PRDM1: variants seen among roughly 807,000 people sequenced by gnomAD.
PRDM1 encodes the protein PR domain zinc finger protein 1.
PRDM1 carries 13 observed loss-of-function variants against 62.8 expected under a neutral mutation model. The observed-to-expected ratio is 0.21, with a 90% CI of 0.13 to 0.33. PRDM1 has a LOEUF of 0.33. PRDM1 is among the 10% of genes least tolerant of loss of function. The pLI is 1.00. For synonymous variants in PRDM1, 396 were observed against 417.6 expected (o/e 0.95, Z 0.63); for missense variants, 895 against 1,058.8 (o/e 0.85, Z 2.15).
chr6:106,059,627 A>G (rs966820501), intron 1 of PRDM1, among the ~76,000 whole-genome samples: 8 of 152,204 alleles, frequency 5.3e-5, no homozygotes, highest in Non-Finnish European at 1.5e-5. Context: ...GCTTTCACAG[A>G]TTTCTGAATG....
At chr6:106,054,389 C>G (rs1249209065) in intron 1 of PRDM1, among the ~76,000 whole-genome samples, 8 of 151,868 alleles carry the variant, frequency 5.3e-5, no homozygotes, top group African/African-American at 1.9e-4. Flanking sequence ...GCTACTTGTT[C>G]CTTTCTGTCT....
rs533044058 is a variant in PRDM1 at position 106,106,145 on chromosome 6, A to T, written c.1773+212A>T. Among the ~76,000 whole-genome samples, 1 of 152,364 alleles carries T rather than the reference A, an allele frequency of 6.6e-6. No homozygotes were observed. The highest frequency in any genetic ancestry group is 2.1e-4 in the South Asian group (1 of 4,832). ...CTCCTGATTTTCTTCTGAATAATAAAAAAATTAGGGGTTTGGACTAGAAGA... is the reference window on the plus strand; with the variant it reads ...CTCCTGATTTTCTTCTGAATAATAATAAAATTAGGGGTTTGGACTAGAAGA... On this transcript the variant is annotated intron_variant, in intron 5 of 6. Transcript: ENST00000369096. This position sits in a 1 kb window ranked among gnomAD's most constrained non-coding sequence, Gnocchi z 4.4.
rs1774588121 is a variant in PRDM1 at position 106,108,602 on chromosome 6, AG to A, written c.*1118del. 4.4e-6 allele frequency: 1 copy of A among 227,824 alleles called. No homozygotes were observed. The highest frequency in any genetic ancestry group is 8.6e-6 in the Non-Finnish European group (1 of 116,746). 14.1% of individuals were successfully genotyped at this position (227,824 alleles called of 1,614,324 possible). On this transcript the variant is annotated 3_prime_UTR_variant, in exon 7 of 7. Transcript: ENST00000369096. ...GGAAGGATTCGAGGTAGATAGGCTC[AG>A]GCCACACTTTAAAAACAAACACACA...
In PRDM1 at chr6:106,106,041, C is replaced by T. The variant is rs1774476759; in HGVS notation, c.1773+108C>T. On this transcript the variant is annotated intron_variant, in intron 5 of 6. Transcript: ENST00000369096. The surrounding 1 kb of genome is among the most constrained non-coding windows in gnomAD (Gnocchi z 4.4). ...TTGCATTTGCAGTAGTATGAGCCCC[C>T]GGTTGGGGATAGTGGGTATGGATTC... 12 of 1,456,892 alleles carry T rather than the reference C, an allele frequency of 8.2e-6. No homozygotes were observed. Among genetic ancestry groups the T allele is most frequent in the Admixed American group, 2.5e-5 (1 of 40,072 alleles). 90.2% of individuals were successfully genotyped at this position (1,456,892 alleles called of 1,614,324 possible). A position where few individuals can be genotyped will look rare whatever the true frequency, so the allele number is the denominator to read the frequency against.
At chr6:106,083,642 C>G (rs1191030628), upstream of PRDM1, among the ~76,000 whole-genome samples, 1 of 152,170 alleles carries the variant, frequency 6.6e-6, no homozygotes, top group Non-Finnish European at 1.5e-5. Flanking sequence ...TTTCTGAGAA[C>G]AGAACTATTT....
chr6:106,017,255 G>A (rs941848316), intron 1 of PRDM1, among the ~76,000 whole-genome samples: 1 of 152,120 alleles, frequency 6.6e-6, no homozygotes, highest in Non-Finnish European at 1.5e-5. Context: ...TGGACAACTT[G>A]TATTTGTTCA....
intron 3 of PRDM1, chr6:106,098,422 G>C (rs919717613): frequency 2.0e-6 from 2 of 985,206 alleles, no homozygotes; most frequent in African/African-American, 3.5e-5. Flanking sequence ...TATTACTCTA[G>C]GACAAACTTC....
intron 1 of PRDM1, among the ~76,000 whole-genome samples, chr6:106,014,458 A>G (rs905390870): frequency 6.6e-6 from 1 of 150,966 alleles, no homozygotes; most frequent in African/African-American, 2.4e-5. Flanking sequence ...AAAAACTTGA[A>G]TAAAAAGTAT....
chr6:106,080,591 G>A lies in PRDM1; in HGVS notation c.-66-7610G>A, dbSNP rs972537968. On this transcript the variant is annotated intron_variant, in intron 1 of 6. Transcript: ENST00000651185. ...CCCTGAATGCGAGAGCCAGGCACAA[G>A]TAGCATACAATTAGAAGGAATTAGA... Among the ~76,000 whole-genome samples the A allele has an allele frequency of 2.6e-5, 4 of 152,338 alleles. 1 individual carries two copies. Among genetic ancestry groups the A allele is most frequent in the Admixed American group, 2.6e-4 (4 of 15,308 alleles).
At position 106,056,494 on chromosome 6, in the gene PRDM1, T is replaced by G. The variant is rs142278488; in HGVS notation, c.-67+7780T>G. On this transcript the variant is annotated intron_variant, in intron 1 of 6. Transcript: ENST00000651185. Reference sequence around the variant, plus strand: ...AGTATGTATCAACTTGCTTGGACTTTAATGCCTTCAGACCCAAAAGCCTGT... The same window carrying G: ...AGTATGTATCAACTTGCTTGGACTTGAATGCCTTCAGACCCAAAAGCCTGT... 3.3e-5 allele frequency among the ~76,000 whole-genome samples: 5 copies of G among 152,310 alleles called. No homozygotes were observed. In the East Asian group the frequency reaches 7.7e-4, roughly 23 times the overall value.
At chr6:106,049,821 C>T (rs1256839922) in intron 1 of PRDM1, among the ~76,000 whole-genome samples, 5 of 152,146 alleles carry the variant, frequency 3.3e-5, no homozygotes, top group Admixed American at 2.6e-4. Flanking sequence ...TGATAAATGG[C>T]TGCCTTTACC....
intron 1 of PRDM1, among the ~76,000 whole-genome samples, chr6:106,011,476 C>T (rs1772547661): frequency 6.6e-6 from 1 of 152,168 alleles, no homozygotes; most frequent in African/African-American, 2.4e-5. Context: ...AGGCAGCCTG[C>T]CTTCCTGGGG....
At chr6:106,081,609 C>T (rs1773695567), upstream of PRDM1, among the ~76,000 whole-genome samples, 1 of 152,104 alleles carries the variant, frequency 6.6e-6, no homozygotes, top group Non-Finnish European at 1.5e-5. Flanking sequence ...GAGTTGGGGG[C>T]TGGGGGTGGT....
intron 1 of PRDM1, among the ~76,000 whole-genome samples, chr6:106,035,670 T>C (rs1240837231): frequency 6.6e-6 from 1 of 152,144 alleles, no homozygotes; most frequent in Non-Finnish European, 1.5e-5. Context: ...TGTCTAAAAT[T>C]AGTATACCTA....
intron 1 of PRDM1, among the ~76,000 whole-genome samples, chr6:106,011,673 C>T (rs1003209689): frequency 6.6e-6 from 1 of 152,054 alleles, no homozygotes; most frequent in Non-Finnish European, 1.5e-5. Context: ...GAGTTGGAGT[C>T]CGAAGTCCCA....
intron 1 of PRDM1, 128 bp from the exon 2 acceptor site, chr6:106,088,073 T>G: frequency 8.6e-7 from 1 of 1,157,738 alleles, no homozygotes; most frequent in East Asian, 2.9e-5. Context: ...TGGCTCTTTC[T>G]CAACTGTACC....
At chr6:106,101,831 G>A (rs1328991568) in intron 4 of PRDM1, among the ~76,000 whole-genome samples, 1 of 152,190 alleles carries the variant, frequency 6.6e-6, no homozygotes. Context: ...GTTTGGAGAA[G>A]AAGGGATTTG....
chr6:106,050,508 T>C (rs1458258457), intron 1 of PRDM1, among the ~76,000 whole-genome samples: 1 of 152,202 alleles, frequency 6.6e-6, no homozygotes, highest in Non-Finnish European at 1.5e-5. Flanking sequence ...AGTATTGAGA[T>C]TTTTTTAACA....
intron 2 of PRDM1, among the ~76,000 whole-genome samples, chr6:106,090,269 G>A (rs991983909): frequency 2.0e-5 from 3 of 152,110 alleles, no homozygotes; most frequent in East Asian, 1.9e-4. Flanking sequence ...CCCTCTGAAT[G>A]TATAACTTCC....
Sources: allele counts gnomAD v4.1 joint callset (sites outside exome capture counted in the v4.1 genomes callset), GRCh38; gene constraint gnomAD v4.1.1; non-coding constraint Gnocchi (gnomAD v3.1); transcripts MANE v1.5; gene names NCBI Gene and HGNC (gene_info 2026-07-23, HGNC 2026-07-21).